The following LPP variants were observed in gnomAD, a reference collection of about 807,000 sequenced individuals.
LPP encodes lipoma-preferred partner.
Under a neutral mutation model 60.4 loss-of-function variants are expected in LPP, and 38 were observed. The ratio of observed to expected loss-of-function variants is 0.63; its 90% CI spans 0.49 to 0.83. LPP has a LOEUF of 0.83. Among genes scored for constraint, LPP ranks in the 40% least tolerant of loss-of-function variants. The probability of loss-of-function intolerance (pLI) is 0.00; values close to 1 mark genes in which losing one functional copy is unlikely to be tolerated. For synonymous variants in LPP, 328 were observed against 290.8 expected (o/e 1.13, Z -1.30); for missense variants, 902 against 783.6 (o/e 1.15, Z -1.80).
chr3:188,666,174 T>TTACA (rs1855755800), intron 7 of LPP, among the ~76,000 whole-genome samples: 1 of 152,254 alleles, frequency 6.6e-6, no homozygotes, highest in African/African-American at 2.4e-5. Flanking sequence ...ATTGTAATGT[T>TTACA]ATAAACTATT....
intron 6 of LPP, among the ~76,000 whole-genome samples, chr3:188,546,564 T>C (rs180818171): frequency 1.8e-4 from 27 of 152,292 alleles, no homozygotes; most frequent in Non-Finnish European, 3.2e-4. Context: ...TGATTTTGCC[T>C]TTAATTTAAT....
At chr3:188,510,459 G>A (rs957937709) in intron 5 of LPP, among the ~76,000 whole-genome samples, 3 of 152,284 alleles carry the variant, frequency 2.0e-5, no homozygotes, top group Middle Eastern at 3.4e-3. Flanking sequence ...AATTTCTGCT[G>A]GGAGTGTTTT....
chr3:188,542,008 A>C (rs1396389148), intron 6 of LPP, among the ~76,000 whole-genome samples: 1 of 152,292 alleles, frequency 6.6e-6, no homozygotes, highest in Non-Finnish European at 1.5e-5. Flanking sequence ...AACTAATAAA[A>C]ATTTGCATTA....
chr3:188,729,810 T>C (rs1378394976), intron 8 of LPP, among the ~76,000 whole-genome samples: 1 of 147,630 alleles, frequency 6.8e-6, no homozygotes, highest in Non-Finnish European at 1.5e-5. Context: ...AGACCCTGTC[T>C]GTACAAAAAG....
At chr3:188,866,172 C>T (rs1766551183) in intron 9 of LPP, 28 bp from the exon 10 acceptor site, 3 of 1,443,668 alleles carry the variant, frequency 2.1e-6, no homozygotes, top group Non-Finnish European at 2.8e-6. Flanking sequence ...CTGTCCCAGT[C>T]TGACGTGGTT....
intron 5 of LPP, among the ~76,000 whole-genome samples, chr3:188,521,018 T>C (rs950005201): frequency 3.9e-5 from 6 of 152,060 alleles, no homozygotes; most frequent in South Asian, 2.1e-4. Context: ...AATCGAAAGG[T>C]AAATGAATAT....
intron 2 of LPP, among the ~76,000 whole-genome samples, chr3:188,259,175 G>T (rs919630550): frequency 6.6e-6 from 1 of 152,076 alleles, no homozygotes; most frequent in Admixed American, 6.6e-5. Flanking sequence ...TTTGATTTTT[G>T]TTTGCTAATT....
intron 1 of LPP, among the ~76,000 whole-genome samples, chr3:188,177,587 G>A (rs1433862012): frequency 1.3e-5 from 2 of 152,138 alleles, no homozygotes; most frequent in East Asian, 3.9e-4. Flanking sequence ...CTAGGAGTTG[G>A]AGGATCCCTG....
chr3:188,289,274 G>A (rs1745144595), intron 2 of LPP, among the ~76,000 whole-genome samples: 1 of 152,168 alleles, frequency 6.6e-6, no homozygotes, highest in Non-Finnish European at 1.5e-5. Flanking sequence ...ACGTGGCTAT[G>A]AGCCCCAAGA....
chr3:188,260,356 A>T lies in LPP; in HGVS notation c.-67+34829A>T, dbSNP rs113188296. On this transcript the variant is annotated intron_variant, in intron 2 of 11. Coordinates refer to ENST00000617246, the MANE Select transcript of LPP (RefSeq NM_001375462.1). ...CTGTGCCTGGCCACTTCCACCTATT[A>T]TTAATGAAACCTGTCCTATTTAACA... Among the ~76,000 whole-genome samples the T allele has an allele frequency of 2.1e-3, 325 of 152,082 alleles. 4 individuals carry two copies. The highest frequency in any genetic ancestry group is 7.4e-3 in the Admixed American group (113 of 15,258).
At chr3:188,195,859 A>G (rs190156212) in intron 1 of LPP, among the ~76,000 whole-genome samples, 1 of 152,306 alleles carries the variant, frequency 6.6e-6, no homozygotes, top group African/African-American at 2.4e-5. Flanking sequence ...GGACAGCACT[A>G]TTCTAGCTTG....
At chr3:188,659,198 T>C (rs967502642) in intron 7 of LPP, among the ~76,000 whole-genome samples, 58 of 152,224 alleles carry the variant, frequency 3.8e-4, no homozygotes, top group African/African-American at 1.4e-3. Context: ...TTATGTATGA[T>C]ATATTTCTCT....
intron 9 of LPP, among the ~76,000 whole-genome samples, chr3:188,819,696 G>C (rs971867395): frequency 6.6e-6 from 1 of 152,156 alleles, no homozygotes; most frequent in Non-Finnish European, 1.5e-5. Context: ...GCTTCAGCCA[G>C]GGATTGGAGG....
chr3:188,564,959 C>T (rs905547041), intron 6 of LPP, among the ~76,000 whole-genome samples: 33 of 151,936 alleles, frequency 2.2e-4, no homozygotes, highest in East Asian at 7.8e-4. Context: ...CCTCATCCTA[C>T]GCCGTGTGTC....
At chr3:188,385,497 G>GT (rs1028139730) in intron 3 of LPP, among the ~76,000 whole-genome samples, 5 of 152,114 alleles carry the variant, frequency 3.3e-5, no homozygotes, top group African/African-American at 1.2e-4. Flanking sequence ...CTGAACTTAC[G>GT]TAAGTTACAA....
At chr3:188,561,461 G>A (rs79376959) in intron 6 of LPP, among the ~76,000 whole-genome samples, 3,569 of 152,114 alleles carry the variant, frequency 0.023, 142 homozygotes, top group African/African-American at 0.082. Context: ...CACTGAGCTT[G>A]TCAGTACACA....
chr3:188,808,957 T>C (rs1258763943), intron 9 of LPP, among the ~76,000 whole-genome samples: 1 of 152,174 alleles, frequency 6.6e-6, no homozygotes, highest in Non-Finnish European at 1.5e-5. Flanking sequence ...CCTGTGTTAG[T>C]TTGCTGAGGA....
chr3:188,496,961 C>T (rs749466849), intron 5 of LPP, among the ~76,000 whole-genome samples: 6 of 149,202 alleles, frequency 4.0e-5, no homozygotes, highest in Non-Finnish European at 7.4e-5. Flanking sequence ...TTTCTTACTA[C>T]GGAAATAAGT....
intron 10 of LPP, among the ~76,000 whole-genome samples, chr3:188,868,670 A>T (rs1767290492): frequency 6.6e-6 from 1 of 152,250 alleles, no homozygotes; most frequent in African/African-American, 2.4e-5. Flanking sequence ...AAAGTCCAGC[A>T]TAGGCTAATC....
Sources: allele counts gnomAD v4.1 joint callset (sites outside exome capture counted in the v4.1 genomes callset), GRCh38; gene constraint gnomAD v4.1.1; transcripts MANE v1.5; gene names NCBI Gene and HGNC (gene_info 2026-07-23, HGNC 2026-07-21).